The following CCL2 variants were observed in gnomAD, a reference collection of about 807,000 sequenced individuals.
The protein encoded by CCL2 is C-C motif chemokine 2.
In CCL2, 2 loss-of-function variants were observed where a neutral mutation model predicts 6.7. The ratio of observed to expected loss-of-function variants is 0.30; its 90% CI spans 0.12 to 0.94. CCL2 has a LOEUF of 0.94. Among genes scored for constraint, CCL2 ranks in the 40% least tolerant of loss-of-function variants. CCL2 has a pLI of 0.54. For synonymous variants in CCL2, 43 were observed against 45.2 expected, an observed-to-expected ratio of 0.95 and a Z score of 0.19; for missense variants, 89 against 119.3, an observed-to-expected ratio of 0.75 and a Z score of 1.18.
At position 34,256,919 on chromosome 17, in the gene CCL2, G is replaced by A. The variant is rs1907706744; in HGVS notation, c.*92G>A. 1 of 705,180 alleles carries A rather than the reference G, an allele frequency of 1.4e-6. No homozygotes were observed. The allele number at this position is 705,180 out of a possible 1,614,324, so 43.7% of individuals were successfully genotyped here. On this transcript the variant is annotated 3_prime_UTR_variant, in exon 3 of 3. Transcript: ENST00000225831. ...GTTTTATTTTATTATAATGAATTTT[G>A]TTTGTTGATGTGAAACATTATGCCT...
At chr17:34,255,711 T>A (rs1907665712) in intron 1 of CCL2, 1 of 402,136 alleles carries the variant, frequency 2.5e-6, no homozygotes. Context: ...AGTTTGGGGA[T>A]CAGGGTAATC....
intron 1 of CCL2, chr17:34,255,838 G>T (rs62054928): frequency 3.8e-6 from 1 of 261,434 alleles, no homozygotes; most frequent in South Asian, 7.2e-5. Context: ...ATGAGTATCA[G>T]GGAAACTCAT....
chr17:34,256,717 C>A lies in CCL2; in HGVS notation c.195-5C>A. The A allele has an allele frequency of 6.2e-7, 1 of 1,606,114 alleles. No homozygotes were observed. The highest frequency in any genetic ancestry group is 8.5e-7 in the Non-Finnish European group (1 of 1,173,768). On this transcript the variant is annotated splice_region_variant and splice_polypyrimidine_tract_variant and intron_variant, in intron 2 of 2. Transcript: ENST00000225831. ...TTCATCTAACTCTGTCCTCCCTCCC[C>A]ACAGCTTCAAGACCATTGTGGCCAA... is the stretch of plus-strand genomic sequence containing the variant.
At chr17:34,255,507 A>C in intron 1 of CCL2, 82 bp downstream of exon 1, 1 of 1,257,232 alleles carries the variant, frequency 8.0e-7, no homozygotes, top group Non-Finnish European at 1.2e-6. Context: ...CGTGGTACCC[A>C]CAGTCTTGCT....
At chr17:34,256,069 G>C in intron 1 of CCL2, 153 bp from the exon 2 acceptor site, 1 of 605,658 alleles carries the variant, frequency 1.7e-6, no homozygotes, top group South Asian at 2.0e-5. Context: ...TCACATTCTA[G>C]CTCTGAGGTA....
chr17:34,255,429 A>G lies in CCL2; in HGVS notation c.76+4A>G. On this transcript the variant is annotated splice_donor_region_variant and intron_variant, in intron 1 of 2. Transcript: ENST00000225831. The stretch of plus-strand genomic sequence containing the variant: ...CCCCAAGGGCTCGCTCAGCCAGGTA[A>G]GGCCCCCTCTTCTTCTCCTTGAACC... The G allele has an allele frequency of 6.2e-7, 1 of 1,612,768 alleles. No homozygotes were observed. Among genetic ancestry groups the G allele is most frequent in the South Asian group, 1.1e-5 (1 of 91,048 alleles).
intron 1 of CCL2, chr17:34,255,864 A>T: frequency 3.7e-6 from 1 of 272,462 alleles, no homozygotes; most frequent in South Asian, 6.5e-5. Flanking sequence ...GGCATAGCCT[A>T]TTCAGAGTCT....
intron 1 of CCL2, 184 bp downstream of exon 1, chr17:34,255,609 AT>A (rs1907662214): frequency 3.6e-6 from 2 of 559,926 alleles, no homozygotes; most frequent in East Asian, 6.2e-5. Context: ...CTGAACTAGA[AT>A]TCCAGCTGTG....
chr17:34,256,599 T>C, intron 2 of CCL2, 123 bp from the exon 3 acceptor site: 1 of 676,612 alleles, frequency 1.5e-6, no homozygotes, highest in Non-Finnish European at 2.6e-6. Flanking sequence ...TTGCCCTGGG[T>C]TCCCTCCTTC....
chr17:34,256,159 C>A, intron 1 of CCL2, 63 bp from the exon 2 acceptor site: 4 of 1,119,530 alleles, frequency 3.6e-6, no homozygotes, highest in Non-Finnish European at 5.4e-6. Context: ...CTCTTTTCTG[C>A]TCTTAAGATC....
In CCL2 at chr17:34,256,304, A is replaced by C; in HGVS notation, c.159A>C (p.Arg53Ser). The C allele has an allele frequency of 6.2e-7, 1 of 1,613,850 alleles. No individual in the cohort carries two copies. Among genetic ancestry groups the C allele is most frequent in the Non-Finnish European group, 8.5e-7 (1 of 1,179,726 alleles). Residue 53 changes from arginine (R) to serine (S), a missense_variant, in exon 2 of 3, where the codon AGA (arginine) becomes AGC (serine). By Grantham distance (110) the Arg-to-Ser change is moderately radical. Coordinates refer to ENST00000225831, the MANE Select transcript of CCL2 (RefSeq NM_002982.4). ...ISVQRLASYR[R>S]ITSSKCPKEA... is the part of the protein sequence containing the mutation. The stretch of plus-strand genomic sequence containing the variant: ...TGCAGAGGCTCGCGAGCTATAGAAG[A>C]ATCACCAGCAGCAAGTGTCCCAAAG...
Position 34,256,761 on chromosome 17 carries a change from C to T in CCL2, c.234C>T (p.Pro78=). The T allele has an allele frequency of 5.0e-6, 8 of 1,613,918 alleles. No individual in the cohort carries two copies. Among genetic ancestry groups the T allele is most frequent in the Non-Finnish European group, 6.8e-6 (8 of 1,179,850 alleles). Residue 78 remains proline (P), a synonymous_variant, in exon 3 of 3, where the codon CCC becomes CCT. Coordinates refer to ENST00000225831, the MANE Select transcript of CCL2 (RefSeq NM_002982.4). ...TGGCCAAGGAGATCTGTGCTGACCC[C>T]AAGCAGAAGTGGGTTCAGGATTCCA... ...TIVAKEICAD[P]KQKWVQDSMD...
chr17:34,256,167 A>C (rs945848533), intron 1 of CCL2, 55 bp from the exon 2 acceptor site: 2 of 1,213,716 alleles, frequency 1.6e-6, no homozygotes, highest in South Asian at 2.5e-5. Context: ...TGCTCTTAAG[A>C]TCAGAATAAT....
At chr17:34,255,686 A>AGCTGC in intron 1 of CCL2, 1 of 449,026 alleles carries the variant, frequency 2.2e-6, no homozygotes, top group African/African-American at 2.0e-5. Context: ...TTACTCCCCC[A>AGCTGC]GCTGCTTCCA....
At position 34,256,219 on chromosome 17, in the gene CCL2, C is replaced by G; in HGVS notation, c.77-3C>G. On this transcript the variant is annotated splice_region_variant and splice_polypyrimidine_tract_variant and intron_variant, in intron 1 of 2. Coordinates refer to ENST00000225831, the MANE Select transcript of CCL2 (RefSeq NM_002982.4). ...TGCTTTTTCTTTGTGGTTTATTTTC[C>G]AGATGCAATCAATGCCCCAGTCACC... The G allele has an allele frequency of 1.3e-6, 2 of 1,583,966 alleles. No homozygotes were observed. Among genetic ancestry groups the G allele is most frequent in the Non-Finnish European group, 1.7e-6 (2 of 1,153,782 alleles).
In CCL2 at chr17:34,256,928, T is replaced by C; in HGVS notation, c.*101T>C. The C allele has an allele frequency of 3.0e-6, 2 of 675,456 alleles. No individual in the cohort carries two copies. Among genetic ancestry groups the C allele is most frequent in the Non-Finnish European group, 2.6e-6 (1 of 388,044 alleles). 41.8% of individuals were successfully genotyped at this position (675,456 alleles called of 1,614,324 possible). ...TATTATAATGAATTTTGTTTGTTGA[T>C]GTGAAACATTATGCCTTAAGTAATG... On this transcript the variant is annotated 3_prime_UTR_variant, in exon 3 of 3. Transcript: ENST00000225831.
In CCL2 at chr17:34,255,408, A is replaced by G. The variant is rs1907654950; in HGVS notation, c.59A>G (p.Gln20Arg). The change falls in exon 1 of 3, where the codon CAA becomes CGA. Residue 20 changes from glutamine to arginine, a missense_variant. By Grantham distance (43) the Gln-to-Arg change is conservative. Coordinates refer to ENST00000225831, the MANE Select transcript of CCL2 (RefSeq NM_002982.4). Reference protein sequence around the residue: ...LLLIAATFIPQGLAQPDAINA... With the variant: ...LLLIAATFIPRGLAQPDAINA... ...CTCATAGCAGCCACCTTCATTCCCC[A>G]AGGGCTCGCTCAGCCAGGTAAGGCC... is the stretch of plus-strand genomic sequence containing the variant. 6.2e-7 allele frequency: 1 copy of G among 1,613,622 alleles called. No homozygotes were observed. Among genetic ancestry groups the G allele is most frequent in the Admixed American group, 1.7e-5 (1 of 59,966 alleles).
rs373061777 is a variant in CCL2, at chr17:34,255,437, T to G, written c.76+12T>G. 1.1e-4 allele frequency: 179 copies of G among 1,609,650 alleles called. No homozygotes were observed. Among genetic ancestry groups the G allele is most frequent in the Non-Finnish European group, 1.5e-4 (171 of 1,176,214 alleles). On this transcript the variant is annotated intron_variant, in intron 1 of 2. Coordinates refer to ENST00000225831, the MANE Select transcript of CCL2 (RefSeq NM_002982.4). The stretch of plus-strand genomic sequence containing the variant: ...GCTCGCTCAGCCAGGTAAGGCCCCC[T>G]CTTCTTCTCCTTGAACCACATTGTC...
chr17:34,255,431 G>A lies in CCL2; in HGVS notation c.76+6G>A. 1.2e-6 allele frequency: 2 copies of A among 1,612,292 alleles called. No individual in the cohort carries two copies. The highest frequency in any genetic ancestry group is 8.5e-7 in the Non-Finnish European group (1 of 1,178,564). On this transcript the variant is annotated splice_donor_region_variant and intron_variant, in intron 1 of 2. Coordinates refer to ENST00000225831, the MANE Select transcript of CCL2 (RefSeq NM_002982.4). The stretch of plus-strand genomic sequence containing the variant: ...CCAAGGGCTCGCTCAGCCAGGTAAG[G>A]CCCCCTCTTCTTCTCCTTGAACCAC...
Sources: allele counts gnomAD v4.1 joint callset, GRCh38; gene constraint gnomAD v4.1.1; transcripts MANE v1.5; gene names NCBI Gene and HGNC (gene_info 2026-07-23, HGNC 2026-07-21).